The following CPQ variants were observed in gnomAD, a reference collection of about 807,000 sequenced individuals.
CPQ encodes Ser-Met dipeptidase.
A neutral mutation model predicts 45.7 loss-of-function variants in CPQ; 37 were observed. The observed-to-expected ratio is 0.81, with a 90% CI of 0.62 to 1.07. CPQ has a LOEUF of 1.07. CPQ is among the 50% of genes least tolerant of loss of function. The pLI is 0.00. For missense variants in CPQ, 537 were observed against 572.9 expected, an observed-to-expected ratio of 0.94 and a Z score of 0.64; for synonymous variants, 186 against 205.8, an observed-to-expected ratio of 0.90 and a Z score of 0.82.
intron 4 of CPQ, among the ~76,000 whole-genome samples, chr8:96,898,470 A>G (rs895883742): frequency 6.6e-6 from 1 of 152,128 alleles, no homozygotes; most frequent in African/African-American, 2.4e-5. Flanking sequence ...AGTGCTTGCG[A>G]AGAATATCCA....
chr8:97,021,852 A>T (rs1014046165), intron 5 of CPQ, among the ~76,000 whole-genome samples: 8 of 151,654 alleles, frequency 5.3e-5, no homozygotes, highest in Non-Finnish European at 1.2e-4. Context: ...CACAGAATTT[A>T]AAAGCAAACA....
intron 1 of CPQ, among the ~76,000 whole-genome samples, chr8:96,748,565 A>C (rs1810219226): frequency 1.3e-5 from 2 of 152,170 alleles, no homozygotes; most frequent in South Asian, 4.1e-4. Context: ...TTAATAATAA[A>C]AAAAAACCAA....
chr8:96,931,976 T>C (rs1301533802), intron 4 of CPQ, among the ~76,000 whole-genome samples: 1 of 152,238 alleles, frequency 6.6e-6, no homozygotes, highest in African/African-American at 2.4e-5. Context: ...TGAGATCTTT[T>C]ATTCTAGATT....
At chr8:96,729,278 GA>G (rs1809880342) in intron 1 of CPQ, among the ~76,000 whole-genome samples, 1 of 152,148 alleles carries the variant, frequency 6.6e-6, no homozygotes, top group Non-Finnish European at 1.5e-5. Context: ...TATACCCTAA[GA>G]CAATGCTGTC....
At chr8:97,040,059 C>CT (rs1404012469) in intron 6 of CPQ, among the ~76,000 whole-genome samples, 3 of 151,182 alleles carry the variant, frequency 2.0e-5, no homozygotes, top group Non-Finnish European at 3.0e-5. Context: ...AATCGCCACA[C>CT]TGACTTCCAC....
chr8:97,110,254 C>T (rs1811477944), intron 7 of CPQ, among the ~76,000 whole-genome samples: 3 of 152,166 alleles, frequency 2.0e-5, no homozygotes, highest in African/African-American at 2.4e-5. Flanking sequence ...TTTAGCACTG[C>T]ATACTGTTTC....
intron 1 of CPQ, among the ~76,000 whole-genome samples, chr8:96,741,629 T>C (rs1387271902): frequency 1.6e-4 from 25 of 152,344 alleles, no homozygotes; most frequent in Admixed American, 1.4e-3. Flanking sequence ...TAAATTTCCC[T>C]CTACACACTG....
chr8:96,926,414 TC>T (rs1812874273), intron 4 of CPQ, among the ~76,000 whole-genome samples: 10 of 152,148 alleles, frequency 6.6e-5, no homozygotes, highest in Admixed American at 6.5e-4. Flanking sequence ...GTCTGAATAA[TC>T]TATTTATTCA....
intron 1 of CPQ, among the ~76,000 whole-genome samples, chr8:96,759,218 G>T (rs1810366648): frequency 6.6e-6 from 1 of 152,120 alleles, no homozygotes; most frequent in South Asian, 2.1e-4. Context: ...CTCCATCCCT[G>T]CCCTACCTTT....
intron 4 of CPQ, among the ~76,000 whole-genome samples, chr8:96,898,009 A>T (rs1248192126): frequency 6.6e-6 from 1 of 152,036 alleles, no homozygotes; most frequent in East Asian, 1.9e-4. Context: ...GAGTAGGGGA[A>T]AAACATAGGG....
At chr8:97,000,930 AGTT>A (rs1809269221) in intron 5 of CPQ, among the ~76,000 whole-genome samples, 1 of 152,118 alleles carries the variant, frequency 6.6e-6, no homozygotes, top group Admixed American at 6.6e-5. Flanking sequence ...AGTGGTTTGT[AGTT>A]CTCCTTGTAG....
intron 4 of CPQ, among the ~76,000 whole-genome samples, chr8:96,925,698 T>G (rs1007430022): frequency 3.5e-5 from 5 of 141,432 alleles, no homozygotes; most frequent in African/African-American, 5.3e-5. Context: ...TCTGCACTTT[T>G]TTTTTTTTTT....
intron 2 of CPQ, among the ~76,000 whole-genome samples, chr8:96,825,868 T>C (rs1811373534): frequency 6.6e-6 from 1 of 152,136 alleles, no homozygotes; most frequent in Admixed American, 6.6e-5. Flanking sequence ...AGAGTTATTT[T>C]AGCCCTCTAA....
In CPQ at chr8:97,067,261, A is replaced by G. The variant is rs140520420; in HGVS notation, c.1255+1051A>G. 6.4e-3 allele frequency among the ~76,000 whole-genome samples: 971 copies of G among 152,116 alleles called. 4 individuals carry two copies. Among genetic ancestry groups the G allele is most frequent in the African/African-American group, 0.022 (894 of 41,518 alleles). On this transcript the variant is annotated intron_variant, in intron 7 of 7. Coordinates refer to ENST00000220763, the MANE Select transcript of CPQ (RefSeq NM_016134.4). Reference sequence around the variant, plus strand: ...GTCTTAAAGAAGACAAATGTATACTACTTCACAAAGTTACCTAAGCCTGGC... The same window carrying G: ...GTCTTAAAGAAGACAAATGTATACTGCTTCACAAAGTTACCTAAGCCTGGC...
chr8:97,076,769 G>A (rs1810852714), intron 7 of CPQ, among the ~76,000 whole-genome samples: 1 of 152,094 alleles, frequency 6.6e-6, no homozygotes, highest in South Asian at 2.1e-4. Flanking sequence ...TAGGCATAAT[G>A]TCTAATTATC....
chr8:96,686,122 G>T (rs1014267763), intron 1 of CPQ, among the ~76,000 whole-genome samples: 1 of 151,974 alleles, frequency 6.6e-6, no homozygotes, highest in Non-Finnish European at 1.5e-5. Flanking sequence ...CTCTTGTGCT[G>T]TCCAGGTAAA....
intron 1 of CPQ, among the ~76,000 whole-genome samples, chr8:96,714,261 AG>A (rs1241097252): frequency 1.3e-5 from 2 of 152,324 alleles, no homozygotes; most frequent in Middle Eastern, 3.4e-3. Flanking sequence ...CTTCTCCCTC[AG>A]GAACACCAGT....
intron 1 of CPQ, among the ~76,000 whole-genome samples, chr8:96,647,603 T>A (rs1424744271): frequency 1.3e-5 from 2 of 152,186 alleles, no homozygotes; most frequent in Non-Finnish European, 2.9e-5. Context: ...GGAAAAACTG[T>A]GTGACTTTGA....
At chr8:97,114,339 C>T (rs1215921873) in intron 7 of CPQ, among the ~76,000 whole-genome samples, 2 of 152,166 alleles carry the variant, frequency 1.3e-5, no homozygotes, top group Non-Finnish European at 2.9e-5. Flanking sequence ...GATTTGCCCT[C>T]GAATTTCAGC....
Sources: gnomAD v4.1 joint callset for allele counts (sites outside exome capture counted in the v4.1 genomes callset) on GRCh38, gnomAD v4.1.1 for gene constraint, MANE v1.5 for transcripts, NCBI Gene and HGNC (gene_info 2026-07-23, HGNC 2026-07-21) for gene names.